CRYBG3: variants seen among roughly 807,000 people sequenced by gnomAD.
CRYBG3 encodes crystallin beta-gamma domain containing 3.
In CRYBG3, 127 loss-of-function variants were observed where a neutral mutation model predicts 244.2. That is an observed-to-expected ratio of 0.52 (90% CI 0.45 to 0.60). CRYBG3 has a LOEUF of 0.60. Among genes scored for constraint, CRYBG3 ranks in the 20% least tolerant of loss-of-function variants. CRYBG3 has a pLI of 0.00. For synonymous variants in CRYBG3, 1,132 were observed against 1,195.8 expected, an observed-to-expected ratio of 0.95 and a Z score of 1.10; for missense variants, 3,325 against 3,442.5, an observed-to-expected ratio of 0.97 and a Z score of 0.85.
chr3:97,897,991 C>T (rs1446238611), intron 12 of CRYBG3, among the ~76,000 whole-genome samples: 2 of 151,902 alleles, frequency 1.3e-5, no homozygotes, highest in Admixed American at 1.3e-4. Flanking sequence ...GAGGCTGAGG[C>T]GGGTGGATCA....
intron 1 of CRYBG3, among the ~76,000 whole-genome samples, chr3:97,834,094 G>A (rs1208856138): frequency 6.6e-6 from 1 of 152,012 alleles, no homozygotes; most frequent in Non-Finnish European, 1.5e-5. Context: ...CTCCTATTGG[G>A]CCCCACCTCC....
At position 97,888,407 on chromosome 3, in the gene CRYBG3, C is replaced by CT; in HGVS notation, c.7359dup (p.Glu2454Ter). ...CAGTTCTGGAGGAAGACCATGGGCTCTTTGAGATTTCTACAGCAGAAATGA... is the reference window on the plus strand; with the variant it reads ...CAGTTCTGGAGGAAGACCATGGGCTCTTTTGAGATTTCTACAGCAGAAATGA... On this transcript the variant is annotated frameshift_variant, in exon 9 of 22. Transcript: ENST00000389622. LOFTEE classifies it high-confidence loss of function. 1 of 1,613,056 alleles carries CT rather than the reference C, an allele frequency of 6.2e-7. No individual in the cohort carries two copies. The highest frequency in any genetic ancestry group is 8.5e-7 in the Non-Finnish European group (1 of 1,179,278).
rs1343376512 is a variant in CRYBG3, at chr3:97,943,342, T to C, written c.*28T>C. 10 of 1,292,410 alleles carry C rather than the reference T, an allele frequency of 7.7e-6. No homozygotes were observed. The highest frequency in any genetic ancestry group is 1.1e-5 in the Non-Finnish European group (10 of 893,488). The allele number at this position is 1,292,410 out of a possible 1,614,324, so 80.1% of individuals were successfully genotyped here. A position where few individuals can be genotyped will look rare whatever the true frequency, so the allele number is the denominator to read the frequency against. Reference sequence around the variant, plus strand: ...GAATCAACATCCCTAGAAAGATCCCTAGAAAGAGCAAAGAAGGAAACACAT... The same window carrying C: ...GAATCAACATCCCTAGAAAGATCCCCAGAAAGAGCAAAGAAGGAAACACAT... On this transcript the variant is annotated 3_prime_UTR_variant, in exon 22 of 22. Coordinates refer to ENST00000389622, the MANE Select transcript of CRYBG3 (RefSeq NM_153605.4).
At chr3:97,845,523 T>C (rs2038887527) in intron 2 of CRYBG3, among the ~76,000 whole-genome samples, 1 of 152,202 alleles carries the variant, frequency 6.6e-6, no homozygotes, top group South Asian at 2.1e-4. Flanking sequence ...TGGAGATGCT[T>C]CCGGAAATTT....
chr3:97,871,558 A>G (rs77959361), intron 3 of CRYBG3, among the ~76,000 whole-genome samples: 2,264 of 152,284 alleles, frequency 0.015, 53 homozygotes, highest in African/African-American at 0.052. Context: ...GCTTGGACTC[A>G]TATTCTGTTA....
At position 97,876,516 on chromosome 3, in the gene CRYBG3, CG is replaced by C; in HGVS notation, c.5325del (p.Asn1776ThrfsTer7). ...ACCAAAAAAATGCCAAAGGTTTTAC[CG>C]GGAACACTGAAGGGTCTGTGTTGAA... ...TYQKNAKGFT[G>X]NTEGSVLKME... is the part of the protein sequence containing the mutation. On this transcript the variant is annotated frameshift_variant, in exon 4 of 22. Transcript: ENST00000389622. LOFTEE classifies it high-confidence loss of function. 8.1e-7 allele frequency: 1 copy of C among 1,232,066 alleles called. No individual in the cohort carries two copies. Among genetic ancestry groups the C allele is most frequent in the Non-Finnish European group, 1.0e-6 (1 of 987,986 alleles). 76.3% of individuals were successfully genotyped at this position (1,232,066 alleles called of 1,614,324 possible). A position where few individuals can be genotyped will look rare whatever the true frequency, so the allele number is the denominator to read the frequency against.
intron 7 of CRYBG3, among the ~76,000 whole-genome samples, 194 bp from the exon 8 acceptor site, chr3:97,886,437 A>G (rs988601593): frequency 6.6e-6 from 1 of 152,122 alleles, no homozygotes; most frequent in Non-Finnish European, 1.5e-5. Context: ...TATGATTTTC[A>G]TGTCATTAAC....
At chr3:97,910,285 G>A (rs1217414918) in intron 15 of CRYBG3, among the ~76,000 whole-genome samples, 1 of 152,166 alleles carries the variant, frequency 6.6e-6, no homozygotes, top group Non-Finnish European at 1.5e-5. Flanking sequence ...CCCAGTTCGA[G>A]CTTCCTGGCT....
chr3:97,831,254 C>G (rs181973028), intron 1 of CRYBG3, among the ~76,000 whole-genome samples: 76 of 152,222 alleles, frequency 5.0e-4, no homozygotes, highest in African/African-American at 1.7e-3. Flanking sequence ...ACAGAACAGA[C>G]AGTGGTTTAT....
intron 15 of CRYBG3, among the ~76,000 whole-genome samples, 171 bp from the exon 16 acceptor site, chr3:97,911,996 A>C (rs190510750): frequency 6.6e-6 from 1 of 152,334 alleles, no homozygotes; most frequent in African/African-American, 2.4e-5. Flanking sequence ...TAAGAAAGCA[A>C]GTTTAAGGAG....
chr3:97,887,877 C>T (rs34108265), intron 8 of CRYBG3, among the ~76,000 whole-genome samples: 5,886 of 152,224 alleles, frequency 0.039, 153 homozygotes, highest in Non-Finnish European at 0.061. Flanking sequence ...TTTGGGAATC[C>T]AATTGCAAAT....
chr3:97,921,901 A>G (rs1177419425), intron 17 of CRYBG3, among the ~76,000 whole-genome samples: 1 of 152,162 alleles, frequency 6.6e-6, no homozygotes, highest in Non-Finnish European at 1.5e-5. Context: ...GGGCCTTGGA[A>G]TGGAAGTTTG....
chr3:97,838,329 T>C (rs1328060618), intron 1 of CRYBG3, among the ~76,000 whole-genome samples: 1 of 152,134 alleles, frequency 6.6e-6, no homozygotes, highest in Non-Finnish European at 1.5e-5. Flanking sequence ...CCTGGTCAGA[T>C]TTTTTTCTTC....
chr3:97,859,801 G>A (rs1011879773), intron 2 of CRYBG3, among the ~76,000 whole-genome samples: 8 of 152,096 alleles, frequency 5.3e-5, no homozygotes, highest in African/African-American at 1.4e-4. Context: ...TAAGGCTTTA[G>A]CCACTCTCCT....
chr3:97,841,892 A>C (rs1336745499), intron 1 of CRYBG3, among the ~76,000 whole-genome samples: 1 of 152,166 alleles, frequency 6.6e-6, no homozygotes, highest in Non-Finnish European at 1.5e-5. Context: ...CCAGACTTAT[A>C]TTAAAAGCAA....
At position 97,910,362 on chromosome 3, in the gene CRYBG3, C is replaced by A. The variant is rs2039853687; in HGVS notation, c.8005-1805C>A. Reference sequence around the variant, plus strand: ...CTCCCCCAGCCTGGCTGCCGCCTTGCAGTTTGTTCTCAGACTGCTGTGCTA... The same window carrying A: ...CTCCCCCAGCCTGGCTGCCGCCTTGAAGTTTGTTCTCAGACTGCTGTGCTA... On this transcript the variant is annotated intron_variant, in intron 15 of 21. Transcript: ENST00000389622. Among the ~76,000 whole-genome samples the A allele has an allele frequency of 2.6e-5, 4 of 152,206 alleles. No homozygotes were observed. In the South Asian group the frequency reaches 8.3e-4, roughly 31 times the overall value.
At chr3:97,869,912 G>A (rs2039280993) in intron 3 of CRYBG3, among the ~76,000 whole-genome samples, 1 of 152,140 alleles carries the variant, frequency 6.6e-6, no homozygotes, top group Admixed American at 6.5e-5. Flanking sequence ...CATGTGAAAA[G>A]AGATATACTT....
intron 17 of CRYBG3, among the ~76,000 whole-genome samples, chr3:97,920,705 T>C (rs1281044823): frequency 6.6e-6 from 1 of 152,106 alleles, no homozygotes; most frequent in East Asian, 1.9e-4. Flanking sequence ...AATGTTTGTA[T>C]TTTTAGTAGA....
intron 3 of CRYBG3, among the ~76,000 whole-genome samples, chr3:97,864,966 A>T (rs773848632): frequency 1.1e-4 from 16 of 152,128 alleles, no homozygotes; most frequent in Non-Finnish European, 1.8e-4. Flanking sequence ...TTTCGGGGAA[A>T]ATGGTCCTCA....
Sources: gnomAD v4.1 joint callset for allele counts (sites outside exome capture counted in the v4.1 genomes callset) on GRCh38, gnomAD v4.1.1 for gene constraint, MANE v1.5 for transcripts, NCBI Gene and HGNC (gene_info 2026-07-23, HGNC 2026-07-21) for gene names.